The following BUD31 variants were observed in gnomAD, a reference collection of about 807,000 sequenced individuals.
BUD31 encodes the protein BUD31 spliceosome associated protein, also known as protein BUD31 homolog.
A neutral mutation model predicts 17.9 loss-of-function variants in BUD31; 9 were observed. The ratio of observed to expected loss-of-function variants is 0.50; its 90% CI spans 0.30 to 0.88. The LOEUF (loss-of-function observed/expected upper bound fraction) is 0.88, where lower values mean the gene tolerates loss of function less well. BUD31 is among the 40% of genes least tolerant of loss of function. The probability of loss-of-function intolerance (pLI) is 0.06; values close to 1 mark genes in which losing one functional copy is unlikely to be tolerated. For synonymous variants in BUD31, 70 were observed against 64.7 expected, an observed-to-expected ratio of 1.08 and a Z score of -0.39; for missense variants, 148 against 184.5, an observed-to-expected ratio of 0.80 and a Z score of 1.15.
chr7:99,409,406 TC>T (rs1249644232), intron 1 of BUD31, 161 bp downstream of exon 1: 5 of 152,346 alleles, frequency 3.3e-5, no homozygotes, highest in African/African-American at 9.6e-5. Flanking sequence ...ACATCTTTCT[TC>T]TCGATCTGAT....
In BUD31 at chr7:99,411,098, TA is replaced by T. The variant is rs1795165519; in HGVS notation, c.9del (p.Val4SerfsTer14). On this transcript the variant is annotated frameshift_variant, in exon 3 of 6. Coordinates refer to ENST00000222969, the MANE Select transcript of BUD31 (RefSeq NM_003910.4). LOFTEE classifies it high-confidence loss of function. ...GATTATCCTGTGGAAGGAAAATGCC[TA>T]AAGTCAAAAGAAGCCGGAAAGCACC... MP[K>X]VKRSRKAPPD... 6.2e-7 allele frequency: 1 copy of T among 1,613,870 alleles called. No homozygotes were observed. The highest frequency in any genetic ancestry group is 8.5e-7 in the Non-Finnish European group (1 of 1,179,952).
At chr7:99,415,715 G>A (rs1386773664) in intron 3 of BUD31, among the ~76,000 whole-genome samples, 3 of 152,192 alleles carry the variant, frequency 2.0e-5, no homozygotes, top group African/African-American at 7.2e-5. Context: ...AGACCAAGGA[G>A]CCCTCTGGTG....
chr7:99,417,456 G>T lies in BUD31; in HGVS notation c.245G>T (p.Gly82Val). Residue 82 changes from glycine (G) to valine (V), a missense_variant, in exon 5 of 6, where the codon GGC becomes GTC. Gly to Val is a moderately radical substitution (Grantham distance 109). Coordinates refer to ENST00000222969, the MANE Select transcript of BUD31 (RefSeq NM_003910.4). ...RELYEYCIKE[G>V]YADKNLIAKW... Reference sequence around the variant, plus strand: ...CTCTATGAATATTGTATTAAAGAAGGCTATGCAGACAAAAACCTGATTGCA... The same window carrying T: ...CTCTATGAATATTGTATTAAAGAAGTCTATGCAGACAAAAACCTGATTGCA... The T allele has an allele frequency of 6.2e-7, 1 of 1,613,644 alleles. No homozygotes were observed. Among genetic ancestry groups the T allele is most frequent in the Non-Finnish European group, 8.5e-7 (1 of 1,179,846 alleles).
At chr7:99,419,327 T>A in intron 5 of BUD31, 64 bp from the exon 6 acceptor site, 1 of 1,583,720 alleles carries the variant, frequency 6.3e-7, no homozygotes, top group Non-Finnish European at 8.6e-7. Context: ...GGTTGCCACA[T>A]ATGTGAGTGT....
At chr7:99,413,470 G>A (rs191346213) in intron 3 of BUD31, among the ~76,000 whole-genome samples, 178 of 152,346 alleles carry the variant, frequency 1.2e-3, no homozygotes, top group Non-Finnish European at 2.2e-3. Flanking sequence ...GAAATTAGAA[G>A]TGCCTTCAAG....
chr7:99,412,615 C>T (rs1449725720), intron 3 of BUD31, among the ~76,000 whole-genome samples: 11 of 140,312 alleles, frequency 7.8e-5, no homozygotes, highest in Admixed American at 1.4e-4. Flanking sequence ...TCTTTTTTTT[C>T]TTTTTTTTTT....
chr7:99,414,993 C>T (rs1055216388), intron 3 of BUD31: 6 of 245,038 alleles, frequency 2.4e-5, no homozygotes, highest in South Asian at 3.7e-5. Context: ...TCCAATTTCT[C>T]CACATCCTTC....
chr7:99,415,517 G>A (rs1437490562), intron 3 of BUD31, among the ~76,000 whole-genome samples: 2 of 152,078 alleles, frequency 1.3e-5, no homozygotes, highest in Admixed American at 6.5e-5. Flanking sequence ...AACTGCGGGC[G>A]GGCCTGACTG....
At chr7:99,416,067 GTTAC>G (rs1795432360) in intron 3 of BUD31, 67 bp from the exon 4 acceptor site, 12 of 1,582,582 alleles carry the variant, frequency 7.6e-6, no homozygotes, top group Non-Finnish European at 1.0e-5. Context: ...ATTATCAGTA[GTTAC>G]TTACAAAAAG....
chr7:99,419,338 G>A (rs1237970273), intron 5 of BUD31, 53 bp from the exon 6 acceptor site: 16 of 1,601,616 alleles, frequency 1.0e-5, no homozygotes, highest in African/African-American at 1.3e-5. Flanking sequence ...ATGTGAGTGT[G>A]CAGGGGCGAG....
At chr7:99,419,138 G>C in intron 5 of BUD31, 1 of 546,624 alleles carries the variant, frequency 1.8e-6, no homozygotes, top group Non-Finnish European at 3.3e-6. Context: ...TTTCTTGATT[G>C]GCAAACGTGT....
chr7:99,413,716 C>G (rs369910042), intron 3 of BUD31, among the ~76,000 whole-genome samples: 2 of 152,030 alleles, frequency 1.3e-5, no homozygotes. Context: ...CTCAGCCTCC[C>G]GAGTAACTGG....
rs949354443 is a variant in BUD31, at chr7:99,417,991, G to A, written c.384+396G>A. The A allele has an allele frequency of 4.3e-5, 50 of 1,168,342 alleles. No homozygotes were observed. The Admixed American group carries it at 6.0e-4, about 14-fold the overall frequency. The allele number at this position is 1,168,342 out of a possible 1,614,324, so 72.4% of individuals were successfully genotyped here. ...ACTATCTTTCCCGCCCCCCCAAGAC[G>A]GAGTCTTGCTTTGTCGCCCAGGCTG... is the stretch of plus-strand genomic sequence containing the variant. On this transcript the variant is annotated intron_variant, in intron 5 of 5. Transcript: ENST00000222969.
chr7:99,416,239 A>G lies in BUD31; in HGVS notation c.196A>G (p.Lys66Glu). The change falls in exon 4 of 6, where the codon AAG (lysine) becomes GAG (glutamate). Residue 66 changes from lysine to glutamate, a missense_variant. Coordinates refer to ENST00000222969, the MANE Select transcript of BUD31 (RefSeq NM_003910.4). The part of the protein sequence containing the change: ...KTRYIFDLFY[K>E]RKAISRELYE... ...CCGCTACATCTTCGACCTCTTTTAC[A>G]AGCGGAAAGCCATCAGCAGAGGTAA... 6.2e-7 allele frequency: 1 copy of G among 1,613,842 alleles called. No homozygotes were observed. The highest frequency in any genetic ancestry group is 8.5e-7 in the Non-Finnish European group (1 of 1,179,794).
At chr7:99,414,740 C>G (rs1795318234) in intron 3 of BUD31, among the ~76,000 whole-genome samples, 1 of 152,014 alleles carries the variant, frequency 6.6e-6, no homozygotes, top group Admixed American at 6.6e-5. Flanking sequence ...GGATTACAGG[C>G]ATGCGCCACC....
intron 3 of BUD31, among the ~76,000 whole-genome samples, chr7:99,414,219 A>G (rs1365441750): frequency 1.3e-5 from 2 of 151,690 alleles, no homozygotes; most frequent in Admixed American, 1.3e-4. Flanking sequence ...GGCTCACTGC[A>G]ACCTGTACCT....
intron 4 of BUD31, chr7:99,416,957 T>G (rs538355038): frequency 6.1e-6 from 1 of 162,930 alleles, no homozygotes; most frequent in Non-Finnish European, 1.4e-5. Flanking sequence ...TCCTCTGGCG[T>G]TGGCTTCCAA....
At chr7:99,417,848 T>C (rs1795592107) in intron 5 of BUD31, 1 of 1,429,468 alleles carries the variant, frequency 7.0e-7, no homozygotes, top group African/African-American at 1.4e-5. Context: ...TTTCCTCACT[T>C]AGGAAATGGT....
chr7:99,418,121 C>T, intron 5 of BUD31: 1 of 328,978 alleles, frequency 3.0e-6, no homozygotes, highest in Non-Finnish European at 4.6e-6. Flanking sequence ...GCATGCACCA[C>T]CACGCCTGGC....
Sources: allele counts gnomAD v4.1 joint callset (sites outside exome capture counted in the v4.1 genomes callset), GRCh38; gene constraint gnomAD v4.1.1; transcripts MANE v1.5; gene names NCBI Gene and HGNC (gene_info 2026-07-23, HGNC 2026-07-21).